LRMDA: variants seen among roughly 807,000 people sequenced by gnomAD.
LRMDA encodes leucine rich melanocyte differentiation associated.
A neutral mutation model predicts 29.8 loss-of-function variants in LRMDA; 18 were observed. The observed-to-expected ratio is 0.60, with a 90% CI of 0.42 to 0.90. LRMDA has a LOEUF of 0.90. Among genes scored for constraint, LRMDA ranks in the 40% least tolerant of loss-of-function variants. The pLI is 0.00. For missense variants in LRMDA, 273 were observed against 273.9 expected, an observed-to-expected ratio of 1.00 and a Z score of 0.02; for synonymous variants, 125 against 109.4, an observed-to-expected ratio of 1.14 and a Z score of -0.89.
intron 6 of LRMDA, among the ~76,000 whole-genome samples, chr10:76,374,635 C>T (rs934514569): frequency 1.3e-5 from 2 of 152,130 alleles, no homozygotes; most frequent in South Asian, 2.1e-4. Context: ...AAATAAGCAG[C>T]GTCATTGCAT....
intron 2 of LRMDA, among the ~76,000 whole-genome samples, chr10:75,499,061 G>A (rs1253982806): frequency 6.6e-6 from 1 of 152,054 alleles, no homozygotes; most frequent in Admixed American, 6.6e-5. Context: ...GGGAAGGGCG[G>A]TGGTGGAGAA....
At chr10:75,852,860 C>T (rs2132312512) in intron 2 of LRMDA, among the ~76,000 whole-genome samples, 1 of 147,110 alleles carries the variant, frequency 6.8e-6, no homozygotes, top group South Asian at 2.3e-4. Context: ...TCATGCTGCT[C>T]ATGCTAAGTA....
At chr10:75,772,700 G>A (rs1203017788) in intron 2 of LRMDA, among the ~76,000 whole-genome samples, 5 of 152,156 alleles carry the variant, frequency 3.3e-5, no homozygotes, top group East Asian at 1.9e-4. Context: ...CCTAAAGTGC[G>A]TCTTGCTGTG....
intron 2 of LRMDA, among the ~76,000 whole-genome samples, chr10:75,651,955 T>G (rs1480747645): frequency 6.6e-6 from 1 of 152,220 alleles, no homozygotes; most frequent in Non-Finnish European, 1.5e-5. Context: ...TACCCCACTC[T>G]CAAGAGCACC....
At chr10:75,860,262 A>G (rs1241767969) in intron 2 of LRMDA, among the ~76,000 whole-genome samples, 1 of 146,268 alleles carries the variant, frequency 6.8e-6, no homozygotes, top group African/African-American at 2.6e-5. Flanking sequence ...CCTGAGGACT[A>G]CGCTCGATTC....
At chr10:76,095,122 A>T (rs1564651464) in intron 5 of LRMDA, among the ~76,000 whole-genome samples, 1 of 152,162 alleles carries the variant, frequency 6.6e-6, no homozygotes, top group Non-Finnish European at 1.5e-5. Context: ...TACCTCCTGT[A>T]CCTTAGTAGT....
chr10:75,677,367 A>T (rs1235299675), intron 2 of LRMDA, among the ~76,000 whole-genome samples: 4 of 125,486 alleles, frequency 3.2e-5, no homozygotes, highest in African/African-American at 9.9e-5. Context: ...TGAGGATTTT[A>T]AAAAATGTAG....
intron 6 of LRMDA, among the ~76,000 whole-genome samples, chr10:76,427,100 T>G (rs1842135520): frequency 6.6e-6 from 1 of 152,188 alleles, no homozygotes; most frequent in Non-Finnish European, 1.5e-5. Flanking sequence ...CTTTTTTGGT[T>G]CCATATGAAC....
chr10:76,246,194 A>T (rs1188652028), intron 5 of LRMDA, among the ~76,000 whole-genome samples: 1 of 152,168 alleles, frequency 6.6e-6, no homozygotes, highest in African/African-American at 2.4e-5. Flanking sequence ...ATTTGTCATC[A>T]AATAAGGGAA....
intron 6 of LRMDA, among the ~76,000 whole-genome samples, chr10:76,353,370 T>C (rs1341955138): frequency 4.7e-5 from 7 of 150,066 alleles, no homozygotes; most frequent in African/African-American, 1.7e-4. Context: ...GTGAGATAGA[T>C]TGAGGCCAAT....
intron 6 of LRMDA, among the ~76,000 whole-genome samples, chr10:76,473,178 T>G (rs1197717105): frequency 6.6e-6 from 1 of 151,610 alleles, no homozygotes; most frequent in Admixed American, 6.6e-5. Flanking sequence ...GTAGGATTTA[T>G]TTCGGTAATG....
intron 5 of LRMDA, among the ~76,000 whole-genome samples, chr10:76,313,979 TG>T (rs1437127825): frequency 1.3e-5 from 2 of 152,182 alleles, no homozygotes; most frequent in Non-Finnish European, 2.9e-5. Context: ...TTTGCTGAAC[TG>T]GATAATAGTT....
chr10:76,371,019 A>G (rs1841447991), intron 6 of LRMDA, among the ~76,000 whole-genome samples: 1 of 152,232 alleles, frequency 6.6e-6, no homozygotes, highest in South Asian at 2.1e-4. Context: ...CTTCAAGTTC[A>G]GCTGAAGCCA....
Position 75,699,242 on chromosome 10 carries a change from C to T in LRMDA, c.131+260748C>T, listed in dbSNP as rs138713063. ...ATCAAACTTTCTGAATTTGTTCATC[C>T]CTAATGCCTAACAGTACTAGAAGTC... On this transcript the variant is annotated intron_variant, in intron 2 of 6. Coordinates refer to ENST00000611255, the MANE Select transcript of LRMDA (RefSeq NM_001305581.2). Among the ~76,000 whole-genome samples, 65 of 152,124 alleles carry T rather than the reference C, an allele frequency of 4.3e-4. No individual in the cohort carries two copies. In the East Asian group the frequency reaches 0.012, roughly 28 times the overall value.
intron 2 of LRMDA, among the ~76,000 whole-genome samples, chr10:75,934,360 G>A (rs1846252717): frequency 6.6e-6 from 1 of 152,094 alleles, no homozygotes; most frequent in Admixed American, 6.6e-5. Context: ...GTCATTCCAT[G>A]TTTTATTTTT....
intron 2 of LRMDA, among the ~76,000 whole-genome samples, chr10:75,619,488 T>A (rs939230308): frequency 4.6e-5 from 7 of 152,170 alleles, no homozygotes; most frequent in African/African-American, 1.7e-4. Flanking sequence ...AGTTCATTGC[T>A]ATGTTAGAGG....
chr10:75,504,773 A>T (rs1845152747), intron 2 of LRMDA, among the ~76,000 whole-genome samples: 1 of 152,086 alleles, frequency 6.6e-6, no homozygotes, highest in Non-Finnish European at 1.5e-5. Flanking sequence ...GTAGGTAGGG[A>T]TTACCACGCT....
Position 76,324,420 on chromosome 10 carries a change from C to A in LRMDA, c.536C>A (p.Ala179Asp). Residue 179 changes from alanine (A) to aspartate (D), a missense_variant, in exon 6 of 7, where the codon GCC (alanine) becomes GAC (aspartate). By Grantham distance (126) the Ala-to-Asp change is moderately radical. Coordinates refer to ENST00000611255, the MANE Select transcript of LRMDA (RefSeq NM_001305581.2). ...ACACAGGCTTCTAGTGAGGACGTTG[C>A]CAGCTCCCCGGAGCGCCACTACACG... ...VKPKASSEDV[A>D]SSPERHYTPL... The A allele has an allele frequency of 1.2e-6, 2 of 1,614,056 alleles. No homozygotes were observed. The highest frequency in any genetic ancestry group is 1.7e-6 in the Non-Finnish European group (2 of 1,180,020).
At chr10:75,555,083 C>G (rs1840197929) in intron 2 of LRMDA, among the ~76,000 whole-genome samples, 1 of 152,108 alleles carries the variant, frequency 6.6e-6, no homozygotes, top group Non-Finnish European at 1.5e-5. Context: ...GGGACAGTCT[C>G]TGATTCTGAT....
Sources: allele counts gnomAD v4.1 joint callset (sites outside exome capture counted in the v4.1 genomes callset), GRCh38; gene constraint gnomAD v4.1.1; transcripts MANE v1.5; gene names NCBI Gene and HGNC (gene_info 2026-07-23, HGNC 2026-07-21).